KCNC2: variants seen among roughly 807,000 people sequenced by gnomAD.
The protein encoded by KCNC2 is voltage-gated potassium channel KCNC2.
KCNC2 carries 21 observed loss-of-function variants against 44.5 expected under a neutral mutation model. That is an observed-to-expected ratio of 0.47 (90% CI 0.33 to 0.68). KCNC2 has a LOEUF of 0.68. Among genes scored for constraint, KCNC2 ranks in the 30% least tolerant of loss-of-function variants. The pLI is 0.01. For missense variants in KCNC2, 589 were observed against 826.2 expected, an observed-to-expected ratio of 0.71 and a Z score of 3.52; for synonymous variants, 391 against 339.1, an observed-to-expected ratio of 1.15 and a Z score of -1.68.
At chr12:75,200,610 A>G (rs1361729586) in intron 2 of KCNC2, among the ~76,000 whole-genome samples, 1 of 151,722 alleles carries the variant, frequency 6.6e-6, no homozygotes, top group Non-Finnish European at 1.5e-5. Context: ...TATTCTTTTT[A>G]TGTATATACA....
At chr12:75,124,900 C>G (rs370222765) in intron 2 of KCNC2, 1 of 152,084 alleles carries the variant, frequency 6.6e-6, no homozygotes, top group East Asian at 1.9e-4. Flanking sequence ...GTCAGGAGAT[C>G]GAGACCATCT....
intron 2 of KCNC2, among the ~76,000 whole-genome samples, chr12:75,111,006 T>C (rs1887193308): frequency 6.6e-6 from 1 of 152,196 alleles, no homozygotes; most frequent in Admixed American, 6.5e-5. Context: ...TACAATTTTA[T>C]GGAACTTACT....
intron 2 of KCNC2, among the ~76,000 whole-genome samples, chr12:75,195,015 G>C (rs910315023): frequency 9.9e-5 from 15 of 152,220 alleles, no homozygotes; most frequent in African/African-American, 3.6e-4. Flanking sequence ...ATTTTCCAAA[G>C]AGTATTTTGA....
intron 2 of KCNC2, among the ~76,000 whole-genome samples, chr12:75,112,665 G>A (rs1184623578): frequency 1.3e-5 from 2 of 151,898 alleles, no homozygotes; most frequent in African/African-American, 2.4e-5. Context: ...AGCCTGAACT[G>A]TATTAGTAAG....
chr12:75,111,383 T>C (rs745442770), intron 2 of KCNC2, among the ~76,000 whole-genome samples: 2 of 152,124 alleles, frequency 1.3e-5, no homozygotes, highest in Non-Finnish European at 2.9e-5. Context: ...GCACTGCTTA[T>C]CCATTTTCCT....
intron 2 of KCNC2, among the ~76,000 whole-genome samples, chr12:75,171,992 C>A (rs1414458540): frequency 1.3e-5 from 2 of 151,702 alleles, no homozygotes; most frequent in Non-Finnish European, 2.9e-5. Flanking sequence ...ATATACTGCA[C>A]ATATACCCCT....
intron 2 of KCNC2, among the ~76,000 whole-genome samples, chr12:75,068,578 T>A (rs1402423296): frequency 1.3e-5 from 2 of 152,152 alleles, no homozygotes; most frequent in African/African-American, 4.8e-5. Flanking sequence ...ATTAAAGGTG[T>A]CTTATTCCTA....
Position 75,168,673 on chromosome 12 carries a change from G to A in KCNC2, c.687+38624C>T, listed in dbSNP as rs1330516511. The stretch of plus-strand genomic sequence containing the variant: ...TCTTACCATACCAAAACTGGCAGAG[G>A]GAGAATTTCTCAAATATGTTTTTAA... On this transcript the variant is annotated intron_variant, in intron 2 of 4. Transcript: ENST00000549446. Among the ~76,000 whole-genome samples the A allele has an allele frequency of 2.0e-5, 3 of 151,400 alleles. No individual in the cohort carries two copies. In the East Asian group the frequency reaches 5.8e-4, roughly 29 times the overall value.
chr12:75,112,094 C>T (rs1354666973), intron 2 of KCNC2, among the ~76,000 whole-genome samples: 1 of 151,694 alleles, frequency 6.6e-6, no homozygotes, highest in African/African-American at 2.4e-5. Flanking sequence ...ATGTCTGTTA[C>T]AATTTATTTT....
intron 2 of KCNC2, among the ~76,000 whole-genome samples, chr12:75,186,989 G>C (rs919824968): frequency 6.6e-6 from 1 of 152,082 alleles, no homozygotes. Context: ...TTACTCTAAA[G>C]TGATGACTTT....
At chr12:75,143,282 C>T (rs1889786058) in intron 2 of KCNC2, among the ~76,000 whole-genome samples, 1 of 152,136 alleles carries the variant, frequency 6.6e-6, no homozygotes, top group Non-Finnish European at 1.5e-5. Context: ...TAACTTATTT[C>T]CTACCTATTC....
At chr12:75,152,105 G>T (rs1456217829) in intron 2 of KCNC2, among the ~76,000 whole-genome samples, 1 of 149,184 alleles carries the variant, frequency 6.7e-6, no homozygotes, top group Non-Finnish European at 1.5e-5. Context: ...GTTTTAAAAA[G>T]TGCCCAGTAA....
chr12:75,171,141 G>A (rs1202531950), intron 2 of KCNC2, among the ~76,000 whole-genome samples: 1 of 151,580 alleles, frequency 6.6e-6, no homozygotes, highest in South Asian at 2.1e-4. Flanking sequence ...TTTTTTAAAG[G>A]GATCACCTGA....
chr12:75,107,665 C>T (rs1030473855), intron 2 of KCNC2, among the ~76,000 whole-genome samples: 10 of 151,848 alleles, frequency 6.6e-5, no homozygotes, highest in Middle Eastern at 6.8e-3. Flanking sequence ...TTACACATTT[C>T]GAGTTTAAAC....
chr12:75,088,862 C>T (rs1175922882), intron 2 of KCNC2, among the ~76,000 whole-genome samples: 1 of 151,808 alleles, frequency 6.6e-6, no homozygotes, highest in Non-Finnish European at 1.5e-5. Flanking sequence ...ATATATAAAA[C>T]AACTAATCTA....
At chr12:75,170,221 C>T (rs910879049) in intron 2 of KCNC2, among the ~76,000 whole-genome samples, 8 of 151,724 alleles carry the variant, frequency 5.3e-5, no homozygotes, top group African/African-American at 1.9e-4. Flanking sequence ...CGTACATTCT[C>T]ACATGTGATT....
At chr12:75,046,318 A>G (rs1011862268) in intron 4 of KCNC2, among the ~76,000 whole-genome samples, 1 of 151,800 alleles carries the variant, frequency 6.6e-6, no homozygotes, top group African/African-American at 2.4e-5. Flanking sequence ...AAAACTTTGC[A>G]ATTTTATAGT....
chr12:75,140,587 AT>A, intron 2 of KCNC2, among the ~76,000 whole-genome samples: 1 of 152,192 alleles, frequency 6.6e-6, no homozygotes, highest in East Asian at 1.9e-4. Context: ...ACGTTAAAAA[AT>A]ATCCTTCAAG....
chr12:75,056,690 A>C (rs1327305433), intron 2 of KCNC2, among the ~76,000 whole-genome samples: 1 of 152,040 alleles, frequency 6.6e-6, no homozygotes, highest in Non-Finnish European at 1.5e-5. Context: ...AAGTACAAGG[A>C]TAGACAAATA....
Sources: allele counts gnomAD v4.1 joint callset (sites outside exome capture counted in the v4.1 genomes callset), GRCh38; gene constraint gnomAD v4.1.1; transcripts MANE v1.5; gene names NCBI Gene and HGNC (gene_info 2026-07-23, HGNC 2026-07-21).